GYPB: variants seen among roughly 807,000 people sequenced by gnomAD.
GYPB encodes glycophorin B (MNS blood group).
GYPB carries 13 observed loss-of-function variants against 15.3 expected under a neutral mutation model. The observed-to-expected ratio is 0.85, with a 90% confidence interval of 0.55 to 1.35. GYPB has a LOEUF of 1.35. Ranked by LOEUF, GYPB falls within the 40% of genes most tolerant of loss-of-function variation. The pLI is 0.00. For missense variants in GYPB, 131 were observed against 108.3 expected, an observed-to-expected ratio of 1.21 and a Z score of -0.93; for synonymous variants, 38 against 36.9, an observed-to-expected ratio of 1.03 and a Z score of -0.11.
At chr4:144,001,143 T>C (rs1180381499) in intron 2 of GYPB, 42 bp downstream of exon 2, 46 of 1,612,316 alleles carry the variant, frequency 2.9e-5, no homozygotes, top group Non-Finnish European at 3.5e-5. Context: ...ATCACAAAAA[T>C]CATTTCGGAG....
chr4:144,003,117 T>C (rs1320346918), intron 1 of GYPB, among the ~76,000 whole-genome samples: 2 of 151,466 alleles, frequency 1.3e-5, no homozygotes, highest in South Asian at 2.1e-4. Context: ...AGAAAGACAT[T>C]TTTATGAGTC....
chr4:144,010,098 G>A (rs1284174245), intron 1 of GYPB, among the ~76,000 whole-genome samples: 1 of 151,168 alleles, frequency 6.6e-6, no homozygotes, highest in Non-Finnish European at 1.5e-5. Flanking sequence ...ATTCTAACCT[G>A]CAGTCAGGAT....
At position 144,011,463 on chromosome 4, in the gene GYPB, T is replaced by C. The variant is rs187476408; in HGVS notation, c.37+7788A>G. 3.1e-3 allele frequency among the ~76,000 whole-genome samples: 468 copies of C among 151,166 alleles called. 22 individuals are homozygous for C. Among genetic ancestry groups the C allele is most frequent in the African/African-American group, 0.01 (413 of 40,574 alleles). ...CAAAGTAGAATTAAGAGAAAAGACA[T>C]TACAAACAGTGAAAAAGATTTACTT... is the stretch of plus-strand genomic sequence containing the variant. On this transcript the variant is annotated intron_variant, in intron 1 of 4. Coordinates refer to ENST00000502664, the MANE Select transcript of GYPB (RefSeq NM_002100.6).
intron 1 of GYPB, among the ~76,000 whole-genome samples, chr4:144,006,770 T>C (rs202159598): frequency 1.3e-5 from 2 of 151,772 alleles, no homozygotes; most frequent in East Asian, 3.8e-4. Flanking sequence ...ATGCTACAGT[T>C]TTTTGACATT....
At chr4:143,997,513 G>C (rs1463094968) in intron 4 of GYPB, 27 bp downstream of exon 4, 1 of 1,325,082 alleles carries the variant, frequency 7.5e-7, no homozygotes, top group Non-Finnish European at 1.1e-6. Context: ...CTGGTATTTA[G>C]AGCAAAATTA....
chr4:144,012,845 CA>C (rs1482939915), intron 1 of GYPB: 1 of 151,262 alleles, frequency 6.6e-6, no homozygotes, highest in East Asian at 1.9e-4. Flanking sequence ...AGAAGAAATA[CA>C]AAACTCTTAG....
In GYPB at chr4:143,999,407, A is replaced by C. The variant is rs765619965; in HGVS notation, c.175+4T>G. 3 of 1,498,682 alleles carry C rather than the reference A, an allele frequency of 2.0e-6. No homozygotes were observed. The highest frequency in any genetic ancestry group is 1.8e-6 in the Non-Finnish European group (2 of 1,082,212). The allele number at this position is 1,498,682 out of a possible 1,614,324, so 92.8% of individuals were successfully genotyped here. ...CTTTTATTCTTTGTCAAATATTAAC[A>C]TACCTGGTACAGTGAAACGATGGAC... On this transcript the variant is annotated splice_donor_region_variant and intron_variant, in intron 3 of 4. Transcript: ENST00000502664.
At chr4:143,996,908 T>TTATTTATA (rs1727346909) in intron 4 of GYPB, among the ~76,000 whole-genome samples, 1 of 151,146 alleles carries the variant, frequency 6.6e-6, no homozygotes, top group African/African-American at 2.5e-5. Context: ...TTTTATTTAT[T>TTATTTATA]TATTTATATA....
chr4:144,003,812 G>A (rs1727742135), intron 1 of GYPB, among the ~76,000 whole-genome samples: 1 of 151,296 alleles, frequency 6.6e-6, no homozygotes, highest in African/African-American at 2.5e-5. Context: ...ATCAAACACT[G>A]TACTCAAGTT....
intron 1 of GYPB, among the ~76,000 whole-genome samples, chr4:144,006,862 T>G (rs1398881818): frequency 6.6e-6 from 1 of 151,592 alleles, no homozygotes; most frequent in Non-Finnish European, 1.5e-5. Flanking sequence ...GGACAAAAAC[T>G]CATATCCATT....
intron 4 of GYPB, 135 bp from the exon 5 acceptor site, chr4:143,996,439 A>C (rs1249921418): frequency 6.1e-6 from 9 of 1,483,504 alleles, no homozygotes; most frequent in Non-Finnish European, 8.2e-6. Flanking sequence ...AAGGGTACCT[A>C]GGGGTGTTGC....
chr4:144,000,069 C>A (rs1579048547), intron 2 of GYPB: 1 of 179,664 alleles, frequency 5.6e-6, no homozygotes, highest in East Asian at 1.6e-4. Context: ...TGTCATGAAG[C>A]TCTCTTATAC....
At chr4:144,016,856 C>T (rs1365955588) in intron 1 of GYPB, 1 of 381,840 alleles carries the variant, frequency 2.6e-6, no homozygotes, top group East Asian at 8.1e-5. Context: ...GTCCTCTTCT[C>T]CCAGAATTTT....
chr4:143,999,160 G>C (rs1205243838), intron 3 of GYPB: 1 of 343,162 alleles, frequency 2.9e-6, no homozygotes, highest in Non-Finnish European at 5.4e-6. Context: ...AGCCAGGCTT[G>C]GCCTCCCAAA....
In GYPB at chr4:144,003,330, G is replaced by A. The variant is rs575036175; in HGVS notation, c.38-2047C>T. ...AAACATGCGGGAGCTTTGCAGTAGA[G>A]GGTCCCATCTTGTGTTCAAGAGTGG... On this transcript the variant is annotated intron_variant, in intron 1 of 4. Coordinates refer to ENST00000502664, the MANE Select transcript of GYPB (RefSeq NM_002100.6). 1.2e-4 allele frequency among the ~76,000 whole-genome samples: 18 copies of A among 151,440 alleles called. No homozygotes were observed. The South Asian group carries it at 3.3e-3, about 28-fold the overall frequency.
At chr4:144,002,470 A>T in intron 1 of GYPB, 7 of 539,930 alleles carry the variant, frequency 1.3e-5, no homozygotes, top group Admixed American at 3.1e-5. Context: ...TCTGTGGTTT[A>T]TATTTCAGTC....
rs1337054940 is a variant in GYPB at position 144,017,984 on chromosome 4, G to A, written c.37+1267C>T. On this transcript the variant is annotated intron_variant, in intron 1 of 4. Coordinates refer to ENST00000502664, the MANE Select transcript of GYPB (RefSeq NM_002100.6). ...CTCTCAGAAATCACCAATCACATAC[G>A]TAGGTTTGTTCCCTAGTCTATAATT... Among the ~76,000 whole-genome samples, 13 of 150,966 alleles carry A rather than the reference G, an allele frequency of 8.6e-5. 1 individual carries two copies. The highest frequency in any genetic ancestry group is 2.5e-4 in the African/African-American group (10 of 40,472).
chr4:144,014,244 A>G (rs567937532), intron 1 of GYPB, among the ~76,000 whole-genome samples: 123 of 149,660 alleles, frequency 8.2e-4, no homozygotes, highest in African/African-American at 2.9e-3. Flanking sequence ...TTCTACCCCT[A>G]TACATCTTTG....
intron 1 of GYPB, among the ~76,000 whole-genome samples, chr4:144,007,835 A>G (rs1728001062): frequency 6.6e-6 from 1 of 151,314 alleles, no homozygotes; most frequent in Non-Finnish European, 1.5e-5. Context: ...ATAGGGTCTC[A>G]CCATATTGCC....
Sources: allele counts gnomAD v4.1 joint callset (sites outside exome capture counted in the v4.1 genomes callset), GRCh38; gene constraint gnomAD v4.1.1; transcripts MANE v1.5; gene names NCBI Gene and HGNC (gene_info 2026-07-23, HGNC 2026-07-21).